LMBR1: variants seen among roughly 807,000 people sequenced by gnomAD.
LMBR1 encodes limb region 1 protein homolog.
A neutral mutation model predicts 73.9 loss-of-function variants in LMBR1; 52 were observed. That is an observed-to-expected ratio of 0.70 (90% CI 0.56 to 0.89). The LOEUF (loss-of-function observed/expected upper bound fraction) is 0.89, where lower values mean the gene tolerates loss of function less well. LMBR1 is among the 40% of genes least tolerant of loss of function. The pLI is 0.00. For missense variants in LMBR1, 539 were observed against 579.8 expected, an observed-to-expected ratio of 0.93 and a Z score of 0.72; for synonymous variants, 215 against 209.4, an observed-to-expected ratio of 1.03 and a Z score of -0.23.
chr7:156,824,144 G>A (rs577841321), intron 4 of LMBR1, among the ~76,000 whole-genome samples: 75 of 139,368 alleles, frequency 5.4e-4, no homozygotes, highest in African/African-American at 1.7e-3. Flanking sequence ...ATATACACAC[G>A]CGCGCGCGCT....
At chr7:156,790,490 TA>T in intron 5 of LMBR1, among the ~76,000 whole-genome samples, 1 of 152,134 alleles carries the variant, frequency 6.6e-6, no homozygotes, top group South Asian at 2.1e-4. Flanking sequence ...TTGCCACTGT[TA>T]TGCAAATAAA....
At chr7:156,832,423 C>A (rs1482219316) in intron 3 of LMBR1, among the ~76,000 whole-genome samples, 1 of 152,120 alleles carries the variant, frequency 6.6e-6, no homozygotes, top group African/African-American at 2.4e-5. Flanking sequence ...ATGTTCATTG[C>A]CCCAAAATAA....
At chr7:156,758,259 C>A (rs1393959684) in intron 8 of LMBR1, among the ~76,000 whole-genome samples, 3 of 152,230 alleles carry the variant, frequency 2.0e-5, no homozygotes, top group African/African-American at 7.2e-5. Flanking sequence ...AAGTTCCTTT[C>A]CCATCAACAC....
intron 1 of LMBR1, among the ~76,000 whole-genome samples, chr7:156,886,287 T>G (rs773637040): frequency 6.6e-6 from 1 of 152,206 alleles, no homozygotes; most frequent in Non-Finnish European, 1.5e-5. Flanking sequence ...CAGGGATTTA[T>G]GCTGAACGGG....
intron 5 of LMBR1, among the ~76,000 whole-genome samples, chr7:156,780,398 A>G (rs1176139409): frequency 6.6e-6 from 1 of 152,226 alleles, no homozygotes; most frequent in Non-Finnish European, 1.5e-5. Flanking sequence ...ACAAATAAAA[A>G]TCCTCCAGAT....
intron 4 of LMBR1, among the ~76,000 whole-genome samples, chr7:156,800,150 A>C (rs79599858): frequency 6.6e-6 from 1 of 152,254 alleles, no homozygotes; most frequent in African/African-American, 2.4e-5. Flanking sequence ...GTGGCTGCAC[A>C]AAACAACAGA....
chr7:156,858,709 TAC>T (rs1563551095), intron 1 of LMBR1, among the ~76,000 whole-genome samples: 2 of 152,234 alleles, frequency 1.3e-5, no homozygotes, highest in Admixed American at 1.3e-4. Flanking sequence ...AAGAATTATA[TAC>T]CACAACCAAG....
intron 1 of LMBR1, among the ~76,000 whole-genome samples, chr7:156,858,766 C>T (rs1797324078): frequency 6.6e-6 from 1 of 152,002 alleles, no homozygotes; most frequent in Admixed American, 6.6e-5. Context: ...ATTCAAAAAT[C>T]AATTAATACA....
chr7:156,837,548 A>G (rs909516975), intron 1 of LMBR1, among the ~76,000 whole-genome samples: 2 of 152,104 alleles, frequency 1.3e-5, no homozygotes, highest in Non-Finnish European at 2.9e-5. Flanking sequence ...AACTACTAAC[A>G]CAACCAAATA....
intron 9 of LMBR1, among the ~76,000 whole-genome samples, chr7:156,745,777 C>CT (rs1389304119): frequency 2.6e-5 from 4 of 152,238 alleles, no homozygotes; most frequent in African/African-American, 9.6e-5. Flanking sequence ...TTGCTCACTT[C>CT]TGCCCATCAC....
chr7:156,855,437 T>C (rs1279867778), intron 1 of LMBR1, among the ~76,000 whole-genome samples: 1 of 151,800 alleles, frequency 6.6e-6, no homozygotes, highest in East Asian at 1.9e-4. Context: ...AATGGAAACT[T>C]CCCAAGCTGA....
rs554399115 is a variant in LMBR1 at position 156,805,550 on chromosome 7, G to A, written c.320-9058C>T. 3.3e-5 allele frequency among the ~76,000 whole-genome samples: 5 copies of A among 152,284 alleles called. No homozygotes were observed. In the East Asian group the frequency reaches 5.8e-4, roughly 18 times the overall value. ...AGTCTTGATTACTGTAGCTTTAAAA[G>A]AGTCTTTAGGTCAGATGGTCAATCC... On this transcript the variant is annotated intron_variant, in intron 4 of 16. Coordinates refer to ENST00000353442, the MANE Select transcript of LMBR1 (RefSeq NM_022458.4).
intron 1 of LMBR1, among the ~76,000 whole-genome samples, chr7:156,879,710 C>T (rs1800775821): frequency 6.6e-6 from 1 of 150,900 alleles, no homozygotes; most frequent in South Asian, 2.1e-4. Flanking sequence ...CAAACAATTC[C>T]CAAAAGAAGA....
At chr7:156,693,706 G>A (rs1310292877) in intron 15 of LMBR1, among the ~76,000 whole-genome samples, 1 of 152,120 alleles carries the variant, frequency 6.6e-6, no homozygotes, top group Non-Finnish European at 1.5e-5. Flanking sequence ...AATTCAACCA[G>A]ACAATTCAAA....
rs745910603 is a variant in LMBR1 at position 156,684,114 on chromosome 7, G to C, written c.1437C>G (p.Ala479=). 1 of 1,614,040 alleles carries C rather than the reference G, an allele frequency of 6.2e-7. No homozygotes were observed. The highest frequency in any genetic ancestry group is 2.2e-5 in the East Asian group (1 of 44,882). The change falls in exon 17 of 17, where the codon GCC becomes GCG. Residue 479 remains alanine (A), a synonymous_variant. Transcript: ENST00000353442. ...LPNTSRDSET[A]KPSVNGHQKA... is the part of the protein sequence containing the mutation. ...TCTGATGCCCATTTACAGAAGGCTT[G>C]GCTGTTTCTGAATCCCTTGAAGTAT...
At chr7:156,862,603 T>C (rs1797887507) in intron 1 of LMBR1, among the ~76,000 whole-genome samples, 1 of 151,894 alleles carries the variant, frequency 6.6e-6, no homozygotes, top group African/African-American at 2.4e-5. Context: ...TTCATTATAA[T>C]TTAAAACTTC....
In LMBR1 at chr7:156,680,254, C is replaced by T. The variant is rs1177044581; in HGVS notation, c.*3824G>A. 1 of 151,776 alleles carries T rather than the reference C, an allele frequency of 6.6e-6. No homozygotes were observed. Among genetic ancestry groups the T allele is most frequent in the Non-Finnish European group, 1.5e-5 (1 of 67,988 alleles). The allele number at this position is 151,776 out of a possible 1,614,324, so 9.4% of individuals were successfully genotyped here. ...AAGTCTGCCATCTATTAGGAGGCCA[C>T]AAAGTAACTTAGTGTCTGTGTCTAG... On this transcript the variant is annotated 3_prime_UTR_variant, in exon 17 of 17. Transcript: ENST00000353442.
intron 5 of LMBR1, among the ~76,000 whole-genome samples, chr7:156,767,554 TTAAA>T (rs1158461536): frequency 2.6e-5 from 4 of 152,078 alleles, no homozygotes; most frequent in Admixed American, 6.5e-5. Context: ...GAAATTAAAG[TTAAA>T]TAATGCTACT....
In LMBR1 at chr7:156,874,112, C is replaced by G. The variant is rs546068446; in HGVS notation, c.66+18816G>C. On this transcript the variant is annotated intron_variant, in intron 1 of 16. Coordinates refer to ENST00000353442, the MANE Select transcript of LMBR1 (RefSeq NM_022458.4). ...AGGAGCCCATGGAGTGGGTGGGAGGCTCAGGCATGGTGGGCTGCAGGTCCC... is the reference window on the plus strand; with the variant it reads ...AGGAGCCCATGGAGTGGGTGGGAGGGTCAGGCATGGTGGGCTGCAGGTCCC... Among the ~76,000 whole-genome samples the G allele has an allele frequency of 2.4e-3, 366 of 152,358 alleles. 2 individuals carry two copies. Among genetic ancestry groups the G allele is most frequent in the Non-Finnish European group, 4.6e-3 (311 of 68,030 alleles).
Sources: allele counts gnomAD v4.1 joint callset (sites outside exome capture counted in the v4.1 genomes callset), GRCh38; gene constraint gnomAD v4.1.1; transcripts MANE v1.5; gene names NCBI Gene and HGNC (gene_info 2026-07-23, HGNC 2026-07-21).